Variants in CCNB3 observed in about 807,000 individuals in gnomAD.
The protein encoded by CCNB3 is G2/mitotic-specific cyclin-B3.
A neutral mutation model predicts 68.0 loss-of-function variants in CCNB3; 12 were observed. That is an observed-to-expected ratio of 0.18 (90% CI 0.11 to 0.29). The LOEUF (loss-of-function observed/expected upper bound fraction) is 0.29. CCNB3 is among the 10% of genes least tolerant of loss of function. The pLI is 1.00. For synonymous variants in CCNB3, 354 were observed against 388.9 expected (o/e 0.91, Z 1.06); for missense variants, 904 against 993.1 (o/e 0.91, Z 1.21).
At chrX:50,344,358 G>A (rs1335530561) in intron 9 of CCNB3, among the ~76,000 whole-genome samples, 1 of 112,487 alleles carries the variant, frequency 8.9e-6, no homozygotes, top group African/African-American at 3.2e-5. Flanking sequence ...ATATACACAT[G>A]TGCATACACA....
intron 4 of CCNB3, among the ~76,000 whole-genome samples, chrX:50,293,215 T>C (rs1316066954): frequency 9.0e-6 from 1 of 111,647 alleles, no homozygotes; most frequent in Non-Finnish European, 1.9e-5. Context: ...GTCATGGTGA[T>C]ATCCCCCTTA....
chrX:50,336,478 C>T lies in CCNB3; in HGVS notation c.3517-5724C>T, dbSNP rs1352500139. 3.6e-5 allele frequency among the ~76,000 whole-genome samples: 4 copies of T among 111,903 alleles called. No homozygotes were observed. In the Admixed American group the frequency reaches 3.8e-4, roughly 11 times the overall value. ...TCCAGTAACTGCGAGGTATTCATAC[C>T]TGCAAACCCAGCCTGTTTCTGCAAT... On this transcript the variant is annotated intron_variant, in intron 8 of 12. Transcript: ENST00000376042.
At chrX:50,331,449 A>G (rs1415444834) in intron 8 of CCNB3, among the ~76,000 whole-genome samples, 2 of 111,860 alleles carry the variant, frequency 1.8e-5, no homozygotes, top group African/African-American at 6.5e-5. Context: ...AAGTCATCCT[A>G]CGGGGTGAGT....
rs199963187 is a variant in CCNB3, at chrX:50,310,923, G to A, written c.2754G>A (p.Met918Ile). 8.3e-7 allele frequency: 1 copy of A among 1,210,707 alleles called. No individual in the cohort carries two copies. Among genetic ancestry groups the A allele is most frequent in the East Asian group, 3.0e-5 (1 of 33,760 alleles). Residue 918 changes from methionine (M) to isoleucine (I), a missense_variant, in exon 6 of 13, where the codon ATG becomes ATA. Met to Ile is a conservative substitution (Grantham distance 10). This residue lies in a region of CCNB3 where 285 missense variants were observed against 383.4 expected (regional missense o/e 0.74). Coordinates refer to ENST00000376042, the MANE Select transcript of CCNB3 (RefSeq NM_033031.3). ...TLLKKPLALKMSTINEAVLFE... is the reference protein window; with the variant it reads ...TLLKKPLALKISTINEAVLFE... ...TCAAAAAGCCATTAGCCTTGAAGAT[G>A]TCTACCATCAATGAGGCAGTCCTCT...
chrX:50,217,276 T>A (rs1013390545), intron 1 of CCNB3, among the ~76,000 whole-genome samples: 1 of 88,377 alleles, frequency 1.1e-5, no homozygotes, highest in Non-Finnish European at 2.2e-5. Flanking sequence ...TGTTTTTTTT[T>A]TTTTTTTTTT....
intron 8 of CCNB3, among the ~76,000 whole-genome samples, chrX:50,331,316 C>T (rs1484818898): frequency 2.7e-5 from 3 of 111,497 alleles, no homozygotes; most frequent in African/African-American, 6.5e-5. Flanking sequence ...GGTGGGACTC[C>T]AGGTGGATCC....
In CCNB3 at chrX:50,310,685, C is replaced by T. The variant is rs781943768; in HGVS notation, c.2516C>T (p.Thr839Ile). 1.7e-6 allele frequency: 2 copies of T among 1,208,092 alleles called. No homozygotes were observed. The highest frequency in any genetic ancestry group is 2.2e-6 in the Non-Finnish European group (2 of 894,221). The change falls in exon 6 of 13, where the codon ACT becomes ATT. Residue 839 changes from threonine (T) to isoleucine (I), a missense_variant. Thr to Ile is a moderately conservative substitution (Grantham distance 89, BLOSUM62 -1). Coordinates refer to ENST00000376042, the MANE Select transcript of CCNB3 (RefSeq NM_033031.3). Reference sequence around the variant, plus strand: ...TTGGCCTTGCAGGAGGAGCCCAGCACTGAGAAGGAGGCTGTCCTCAAGGAG... The same window carrying T: ...TTGGCCTTGCAGGAGGAGCCCAGCATTGAGAAGGAGGCTGTCCTCAAGGAG... ...EPLALQEEPS[T>I]EKEAVLKEPS...
intron 1 of CCNB3, among the ~76,000 whole-genome samples, chrX:50,208,734 G>A (rs1221298981): frequency 3.6e-5 from 4 of 111,664 alleles, no homozygotes; most frequent in African/African-American, 9.8e-5. Context: ...GGATGGTTTT[G>A]GCATCACAGT....
At chrX:50,291,742 C>T (rs1602204843) in intron 4 of CCNB3, among the ~76,000 whole-genome samples, 1 of 111,410 alleles carries the variant, frequency 9.0e-6, no homozygotes. Flanking sequence ...CCTCTTTTCC[C>T]ATTCTGAATC....
Position 50,308,727 on chromosome X carries a change from G to A in CCNB3, c.558G>A (p.Glu186=), listed in dbSNP as rs949677685. The A allele has an allele frequency of 1.8e-5, 22 of 1,209,220 alleles. No homozygotes were observed. Among genetic ancestry groups the A allele is most frequent in the Non-Finnish European group, 2.3e-5 (21 of 894,642 alleles). ...TAAAAAAGTGCTCAAATCATGAGGA[G>A]GTGTCCTTACTGGAAAAGCTACAGC... ...LSLKKCSNHE[E]VSLLEKLQPL... Residue 186 remains glutamate, a synonymous_variant, in exon 6 of 13, where the codon GAG becomes GAA. Coordinates refer to ENST00000376042, the MANE Select transcript of CCNB3 (RefSeq NM_033031.3).
At chrX:50,323,852 A>G (rs1424957189) in intron 8 of CCNB3, among the ~76,000 whole-genome samples, 3 of 111,815 alleles carry the variant, frequency 2.7e-5, no homozygotes, top group Non-Finnish European at 5.6e-5. Flanking sequence ...GGCAGTACTA[A>G]ATTTAACACA....
In CCNB3 at chrX:50,311,353, A is replaced by G; in HGVS notation, c.3184A>G (p.Thr1062Ala). 1.7e-6 allele frequency: 2 copies of G among 1,210,796 alleles called. No individual in the cohort carries two copies. The highest frequency in any genetic ancestry group is 3.5e-5 in the South Asian group (2 of 56,864). ...TGGAACCAGCCCATATGTGTTTAGC[A>G]CCACCCCTGAATCCATAACAGAGAA... The part of the protein sequence containing the change: ...QIGTSPYVFS[T>A]TPESITEKSS... The change falls in exon 6 of 13, where the codon ACC (threonine) becomes GCC (alanine). Residue 1062 changes from threonine to alanine, a missense_variant. Coordinates refer to ENST00000376042, the MANE Select transcript of CCNB3 (RefSeq NM_033031.3).
intron 8 of CCNB3, among the ~76,000 whole-genome samples, chrX:50,316,700 G>C (rs1246980972): frequency 1.8e-5 from 2 of 112,230 alleles, no homozygotes; most frequent in Admixed American, 1.9e-4. Context: ...AAATGTTTGT[G>C]TTATATGTAA....
At chrX:50,209,020 T>C (rs1557205959) in intron 1 of CCNB3, among the ~76,000 whole-genome samples, 1 of 111,979 alleles carries the variant, frequency 8.9e-6, no homozygotes, top group Non-Finnish European at 1.9e-5. Context: ...ACTTTATGTG[T>C]GTAGAGTCGT....
intron 8 of CCNB3, among the ~76,000 whole-genome samples, chrX:50,339,340 C>T (rs915373975): frequency 3.6e-5 from 4 of 112,123 alleles, no homozygotes; most frequent in Admixed American, 9.4e-5. Flanking sequence ...AGAGACAAAT[C>T]GTTGCATTCT....
intron 11 of CCNB3, among the ~76,000 whole-genome samples, chrX:50,350,253 A>ACACACT (rs1241377675): frequency 3.8e-5 from 4 of 106,506 alleles, no homozygotes; most frequent in African/African-American, 1.4e-4. Flanking sequence ...ACAAATACAC[A>ACACACT]CACACACACA....
At chrX:50,280,197 CATATAA>C (rs1476686500) in intron 1 of CCNB3, among the ~76,000 whole-genome samples, 2 of 23,199 alleles carry the variant, frequency 8.6e-5, no homozygotes, top group African/African-American at 2.7e-4. Context: ...ATATATAGAA[CATATAA>C]ATATATTTTT....
chrX:50,227,572 G>A (rs1185588401), intron 1 of CCNB3, among the ~76,000 whole-genome samples: 4 of 25,105 alleles, frequency 1.6e-4, no homozygotes, highest in African/African-American at 4.2e-4. Context: ...ACAAATATAT[G>A]GAGAGATAAC....
At chrX:50,226,983 T>TATATAGAATATATATAGTATAC (rs1935857432) in intron 1 of CCNB3, among the ~76,000 whole-genome samples, 1 of 73,726 alleles carries the variant, frequency 1.4e-5, no homozygotes, top group Non-Finnish European at 2.3e-5. Context: ...ATATAGTATA[T>TATATAGAATATATATAGTATAC]ATATAGAATA....
Sources: allele counts gnomAD v4.1 joint callset (sites outside exome capture counted in the v4.1 genomes callset), GRCh38; gene constraint gnomAD v4.1.1; regional missense constraint gnomAD v4.1.1; transcripts MANE v1.5; gene names NCBI Gene and HGNC (gene_info 2026-07-23, HGNC 2026-07-21).